Variants in H4C5 observed in about 807,000 individuals in gnomAD.
The protein encoded by H4C5 is histone H4.
Under a neutral mutation model 5.3 loss-of-function variants are expected in H4C5, and 15 were observed. That is an observed-to-expected ratio of 2.84 (90% confidence interval 1.90 to 4.37). H4C5 has a LOEUF of 4.37. Among genes scored for constraint, H4C5 ranks in the 30% most tolerant of loss-of-function variants. The probability of loss-of-function intolerance (pLI) is 0.00; values close to 1 mark genes in which losing one functional copy is unlikely to be tolerated. For missense variants in H4C5, 153 were observed against 145.7 expected (o/e 1.05, Z -0.26); for synonymous variants, 154 against 56.9 (o/e 2.71, Z -7.68).
In H4C5 at chr6:26,204,989, TCC is replaced by T; in HGVS notation, c.*35_*36del. The T allele has an allele frequency of 6.4e-7, 1 of 1,573,008 alleles. No individual in the cohort carries two copies. Among genetic ancestry groups the T allele is most frequent in the Non-Finnish European group, 8.7e-7 (1 of 1,153,936 alleles). Reference sequence around the variant, plus strand: ...GCTTAAACGACTCAGCATCTCGACTTCCCAAATCAAAGGCCCTTTTCAGGGCC... The same window carrying T: ...GCTTAAACGACTCAGCATCTCGACTTCAAATCAAAGGCCCTTTTCAGGGCC... On this transcript the variant is annotated 3_prime_UTR_variant, in exon 1 of 1. Transcript: ENST00000615164.
In H4C5 at chr6:26,204,881, C is replaced by A; in HGVS notation, c.237C>A (p.Arg79=). The A allele has an allele frequency of 6.2e-7, 1 of 1,614,152 alleles. No homozygotes were observed. ...DAVTYTEHAK[R]KTVTAMDVVY... is the part of the protein sequence containing the mutation. Reference sequence around the variant, plus strand: ...TGACTTACACGGAGCACGCCAAACGCAAGACAGTGACAGCGATGGATGTGG... The same window carrying A: ...TGACTTACACGGAGCACGCCAAACGAAAGACAGTGACAGCGATGGATGTGG... Residue 79 remains arginine, a synonymous_variant, in exon 1 of 1, where the codon CGC becomes CGA. Coordinates refer to ENST00000615164, the MANE Select transcript of H4C5 (RefSeq NM_003545.4).
In H4C5 at chr6:26,204,703, G is replaced by A; in HGVS notation, c.59G>A (p.Arg20His). 1.2e-6 allele frequency: 2 copies of A among 1,613,234 alleles called. No individual in the cohort carries two copies. The highest frequency in any genetic ancestry group is 3.3e-5 in the Admixed American group (2 of 59,972). Residue 20 changes from arginine (R) to histidine (H), a missense_variant, in exon 1 of 1, where the codon CGT (arginine) becomes CAT (histidine). Physicochemically the swap from Arg to His is conservative, Grantham distance 29. Transcript: ENST00000615164. ...GLGKGGAKRH[R>H]KVLRDNIQGI... is the part of the protein sequence containing the mutation. Reference sequence around the variant, plus strand: ...GGTAAAGGAGGCGCTAAGCGTCACCGTAAGGTCCTGCGAGATAACATCCAG... The same window carrying A: ...GGTAAAGGAGGCGCTAAGCGTCACCATAAGGTCCTGCGAGATAACATCCAG...
Position 26,204,973 on chromosome 6 carries a change from A to G in H4C5, c.*17A>G, listed in dbSNP as rs781578163. The G allele has an allele frequency of 6.3e-6, 10 of 1,586,846 alleles. No individual in the cohort carries two copies. In the South Asian group the frequency reaches 1.0e-4, roughly 16 times the overall value. ...GGCGGCTAATGCTACCGCTTAAACG[A>G]CTCAGCATCTCGACTTCCCAAATCA... On this transcript the variant is annotated 3_prime_UTR_variant, in exon 1 of 1. Transcript: ENST00000615164.
In H4C5 at chr6:26,204,980, A is replaced by G. The variant is rs550077272; in HGVS notation, c.*24A>G. 194 of 1,582,746 alleles carry G rather than the reference A, an allele frequency of 1.2e-4. No homozygotes were observed. The South Asian group carries it at 2.1e-3, about 17-fold the overall frequency. ...AATGCTACCGCTTAAACGACTCAGC[A>G]TCTCGACTTCCCAAATCAAAGGCCC... On this transcript the variant is annotated 3_prime_UTR_variant, in exon 1 of 1. Transcript: ENST00000615164.
At position 26,204,801 on chromosome 6, in the gene H4C5, G is replaced by T. The variant is rs1765194661; in HGVS notation, c.157G>T (p.Glu53Ter). Residue 53 changes from glutamate to a stop codon, truncating the protein, a stop_gained, in exon 1 of 1, where the codon GAG becomes TAG. Transcript: ENST00000615164. LOFTEE classifies it high-confidence loss of function. ...CAAGCGCATTTCTGGTCTCATCTACGAGGAGACTCGCGGGGTTCTGAAGGT... is the reference window on the plus strand; with the variant it reads ...CAAGCGCATTTCTGGTCTCATCTACTAGGAGACTCGCGGGGTTCTGAAGGT... The part of the protein sequence containing the change: ...GVKRISGLIY[E>*]ETRGVLKVFL... 6.2e-7 allele frequency: 1 copy of T among 1,614,058 alleles called. No individual in the cohort carries two copies. Among genetic ancestry groups the T allele is most frequent in the South Asian group, 1.1e-5 (1 of 91,082 alleles).
chr6:26,204,610 A>C lies in H4C5; in HGVS notation c.-35A>C, dbSNP rs371154912. ...AGAATACTACCGTCGCTTGTTTTTC[A>C]GATTTTTGCGGCTATTTTCGTTGGT... On this transcript the variant is annotated 5_prime_UTR_variant, in exon 1 of 1. Coordinates refer to ENST00000615164, the MANE Select transcript of H4C5 (RefSeq NM_003545.4). 2.0e-4 allele frequency: 306 copies of C among 1,537,358 alleles called. 7 individuals are homozygous for C. Among genetic ancestry groups the C allele is most frequent in the Middle Eastern group, 1.9e-3 (11 of 5,664 alleles).
chr6:26,204,987 C>T lies in H4C5; in HGVS notation c.*31C>T, dbSNP rs762975775. 1 of 1,573,482 alleles carries T rather than the reference C, an allele frequency of 6.4e-7. No individual in the cohort carries two copies. The highest frequency in any genetic ancestry group is 1.4e-5 in the African/African-American group (1 of 73,936). On this transcript the variant is annotated 3_prime_UTR_variant, in exon 1 of 1. Coordinates refer to ENST00000615164, the MANE Select transcript of H4C5 (RefSeq NM_003545.4). The stretch of plus-strand genomic sequence containing the variant: ...CCGCTTAAACGACTCAGCATCTCGA[C>T]TTCCCAAATCAAAGGCCCTTTTCAG...
rs758146321 is a variant in H4C5 at position 26,204,716 on chromosome 6, A to T, written c.72A>T (p.Arg24=). 5 of 1,614,070 alleles carry T rather than the reference A, an allele frequency of 3.1e-6. No homozygotes were observed. The African/African-American group carries it at 4.0e-5, about 13-fold the overall frequency. The part of the protein sequence containing the change: ...GGAKRHRKVL[R]DNIQGITKPA... ...CTAAGCGTCACCGTAAGGTCCTGCG[A>T]GATAACATCCAGGGCATTACCAAGC... is the stretch of plus-strand genomic sequence containing the variant. The change falls in exon 1 of 1, where the codon CGA becomes CGT. Residue 24 remains arginine, a synonymous_variant. Transcript: ENST00000615164.
At position 26,204,943 on chromosome 6, in the gene H4C5, G is replaced by GC; in HGVS notation, c.300dup (p.Phe101LeufsTer?). 1 of 1,601,846 alleles carries GC rather than the reference G, an allele frequency of 6.2e-7. No homozygotes were observed. The highest frequency in any genetic ancestry group is 1.3e-5 in the African/African-American group (1 of 74,814). The stretch of plus-strand genomic sequence containing the variant: ...AAGAGACAGGGACGCACTCTTTACG[G>GC]CTTCGGCGGCTAATGCTACCGCTTA... On this transcript the variant is annotated frameshift_variant, in exon 1 of 1. Coordinates refer to ENST00000615164, the MANE Select transcript of H4C5 (RefSeq NM_003545.4). LOFTEE classifies it high-confidence loss of function.
At position 26,204,897 on chromosome 6, in the gene H4C5, A is replaced by G; in HGVS notation, c.253A>G (p.Met85Val). The stretch of plus-strand genomic sequence containing the variant: ...CGCCAAACGCAAGACAGTGACAGCG[A>G]TGGATGTGGTCTACGCGCTGAAGAG... ...EHAKRKTVTA[M>V]DVVYALKRQG... The change falls in exon 1 of 1, where the codon ATG becomes GTG. Residue 85 changes from methionine to valine, a missense_variant. Coordinates refer to ENST00000615164, the MANE Select transcript of H4C5 (RefSeq NM_003545.4). The G allele has an allele frequency of 6.2e-7, 1 of 1,613,548 alleles. No homozygotes were observed. Among genetic ancestry groups the G allele is most frequent in the Non-Finnish European group, 8.5e-7 (1 of 1,179,664 alleles).
In H4C5 at chr6:26,204,665, C is replaced by G. The variant is rs201319649; in HGVS notation, c.21C>G (p.Gly7=). Residue 7 remains glycine (G), a synonymous_variant, in exon 1 of 1, where the codon GGC becomes GGG. Transcript: ENST00000615164. MSGRGK[G]GKGLGKGGAK... The stretch of plus-strand genomic sequence containing the variant: ...TGGTCATGTCTGGTCGCGGCAAAGG[C>G]GGAAAGGGACTGGGTAAAGGAGGCG... The G allele has an allele frequency of 6.9e-6, 11 of 1,601,698 alleles. No individual in the cohort carries two copies. In the Admixed American group the frequency reaches 1.0e-4, roughly 15 times the overall value.
chr6:26,205,015 C>A lies in H4C5; in HGVS notation c.*59C>A. ...CCCAAATCAAAGGCCCTTTTCAGGG[C>A]CGCCCACAGTTTTCCGCAAAAGAGC... On this transcript the variant is annotated 3_prime_UTR_variant, in exon 1 of 1. Coordinates refer to ENST00000615164, the MANE Select transcript of H4C5 (RefSeq NM_003545.4). 6.6e-7 allele frequency: 1 copy of A among 1,522,472 alleles called. No homozygotes were observed. The highest frequency in any genetic ancestry group is 1.4e-5 in the African/African-American group (1 of 72,324). The allele number at this position is 1,522,472 out of a possible 1,614,324, so 94.3% of individuals were successfully genotyped here.
Position 26,205,016 on chromosome 6 carries a change from C to T in H4C5, c.*60C>T, listed in dbSNP as rs1051946329. The T allele has an allele frequency of 1.5e-5, 23 of 1,514,200 alleles. No individual in the cohort carries two copies. The highest frequency in any genetic ancestry group is 6.3e-5 in the Admixed American group (3 of 47,344). 93.8% of individuals were successfully genotyped at this position (1,514,200 alleles called of 1,614,324 possible). The stretch of plus-strand genomic sequence containing the variant: ...CCAAATCAAAGGCCCTTTTCAGGGC[C>T]GCCCACAGTTTTCCGCAAAAGAGCT... On this transcript the variant is annotated 3_prime_UTR_variant, in exon 1 of 1. Transcript: ENST00000615164.
In H4C5 at chr6:26,204,638, G is replaced by C. The variant is rs368144763; in HGVS notation, c.-7G>C. On this transcript the variant is annotated 5_prime_UTR_variant, in exon 1 of 1. Coordinates refer to ENST00000615164, the MANE Select transcript of H4C5 (RefSeq NM_003545.4). ...TTTTTGCGGCTATTTTCGTTGGTGT[G>C]TTGGTCATGTCTGGTCGCGGCAAAG... is the stretch of plus-strand genomic sequence containing the variant. The C allele has an allele frequency of 6.3e-7, 1 of 1,579,382 alleles. No homozygotes were observed. The highest frequency in any genetic ancestry group is 8.6e-7 in the Non-Finnish European group (1 of 1,157,658).
Position 26,204,941 on chromosome 6 carries a change from C to T in H4C5, c.297C>T (p.Tyr99=), listed in dbSNP as rs143023780. The T allele has an allele frequency of 1.3e-4, 210 of 1,601,736 alleles. No homozygotes were observed. The highest frequency in any genetic ancestry group is 2.0e-4 in the East Asian group (9 of 44,542). ...TGAAGAGACAGGGACGCACTCTTTA[C>T]GGCTTCGGCGGCTAATGCTACCGCT... is the stretch of plus-strand genomic sequence containing the variant. The part of the protein sequence containing the change: ...YALKRQGRTL[Y]GFGG Residue 99 remains tyrosine (Y), a synonymous_variant, in exon 1 of 1, where the codon TAC becomes TAT. Coordinates refer to ENST00000615164, the MANE Select transcript of H4C5 (RefSeq NM_003545.4).
In H4C5 at chr6:26,204,889, T is replaced by G; in HGVS notation, c.245T>G (p.Val82Gly). 1 of 1,614,082 alleles carries G rather than the reference T, an allele frequency of 6.2e-7. No individual in the cohort carries two copies. The highest frequency in any genetic ancestry group is 1.1e-5 in the South Asian group (1 of 91,078). The change falls in exon 1 of 1, where the codon GTG (valine) becomes GGG (glycine). Residue 82 changes from valine to glycine, a missense_variant. By Grantham distance (109) the Val-to-Gly change is moderately radical. Transcript: ENST00000615164. ...TYTEHAKRKT[V>G]TAMDVVYALK... The stretch of plus-strand genomic sequence containing the variant: ...ACGGAGCACGCCAAACGCAAGACAG[T>G]GACAGCGATGGATGTGGTCTACGCG...
chr6:26,204,783 A>C lies in H4C5; in HGVS notation c.139A>C (p.Ile47Leu). The C allele has an allele frequency of 1.2e-6, 2 of 1,614,108 alleles. No homozygotes were observed. The highest frequency in any genetic ancestry group is 1.7e-6 in the Non-Finnish European group (2 of 1,180,016). Residue 47 changes from isoleucine (I) to leucine (L), a missense_variant, in exon 1 of 1, where the codon ATT (isoleucine) becomes CTT (leucine). Physicochemically the swap from Ile to Leu is conservative, Grantham distance 5 (BLOSUM62 2). Coordinates refer to ENST00000615164, the MANE Select transcript of H4C5 (RefSeq NM_003545.4). Reference protein sequence around the residue: ...RLARRGGVKRISGLIYEETRG... With the variant: ...RLARRGGVKRLSGLIYEETRG... ...TGCTCGTCGCGGGGGTGTCAAGCGC[A>C]TTTCTGGTCTCATCTACGAGGAGAC...
Position 26,204,710 on chromosome 6 carries a change from C to G in H4C5, c.66C>G (p.Val22=). The change falls in exon 1 of 1, where the codon GTC becomes GTG. Residue 22 remains valine (V), a synonymous_variant. Transcript: ENST00000615164. ...GKGGAKRHRK[V]LRDNIQGITK... ...GAGGCGCTAAGCGTCACCGTAAGGT[C>G]CTGCGAGATAACATCCAGGGCATTA... The G allele has an allele frequency of 1.9e-6, 3 of 1,614,112 alleles. No individual in the cohort carries two copies. The highest frequency in any genetic ancestry group is 2.7e-5 in the African/African-American group (2 of 75,008).
rs776825708 is a variant in H4C5 at position 26,204,688 on chromosome 6, G to C, written c.44G>C (p.Gly15Ala). ...GGCGGAAAGGGACTGGGTAAAGGAG[G>C]CGCTAAGCGTCACCGTAAGGTCCTG... ...GKGGKGLGKG[G>A]AKRHRKVLRD... is the part of the protein sequence containing the mutation. The change falls in exon 1 of 1, where the codon GGC (glycine) becomes GCC (alanine). Residue 15 changes from glycine (G) to alanine (A), a missense_variant. Coordinates refer to ENST00000615164, the MANE Select transcript of H4C5 (RefSeq NM_003545.4). 1 of 1,613,372 alleles carries C rather than the reference G, an allele frequency of 6.2e-7. No individual in the cohort carries two copies. The highest frequency in any genetic ancestry group is 1.7e-5 in the Admixed American group (1 of 60,006).
Sources: allele counts gnomAD v4.1 joint callset, GRCh38; gene constraint gnomAD v4.1.1; transcripts MANE v1.5; gene names NCBI Gene and HGNC (gene_info 2026-07-23, HGNC 2026-07-21).